Variants in FRYL observed in about 807,000 individuals in gnomAD.
FRYL encodes the protein protein furry homolog-like.
FRYL carries 150 observed loss-of-function variants against 351.2 expected under a neutral mutation model. That is an observed-to-expected ratio of 0.43 (90% confidence interval 0.37 to 0.49). FRYL has a LOEUF of 0.49. FRYL is among the 20% of genes least tolerant of loss of function. FRYL has a pLI of 0.00. For synonymous variants in FRYL, 1,153 were observed against 1,257.1 expected, an observed-to-expected ratio of 0.92 and a Z score of 1.75; for missense variants, 3,036 against 3,619.3, an observed-to-expected ratio of 0.84 and a Z score of 4.13.
chr4:48,634,591 C>T, intron 3 of FRYL, 101 bp from the exon 4 acceptor site: 1 of 740,894 alleles, frequency 1.3e-6, no homozygotes, highest in Non-Finnish European at 2.2e-6. Context: ...TAACCCTCAA[C>T]CAGTTCTCCC....
At chr4:48,694,997 G>A (rs767439537) in intron 2 of FRYL, among the ~76,000 whole-genome samples, 9 of 152,166 alleles carry the variant, frequency 5.9e-5, no homozygotes, top group Non-Finnish European at 1.2e-4. Flanking sequence ...GGTAGGTAGA[G>A]GCTGCAGTGA....
At chr4:48,578,004 A>G (rs1740008879) in intron 23 of FRYL, among the ~76,000 whole-genome samples, 2 of 151,770 alleles carry the variant, frequency 1.3e-5, no homozygotes, top group South Asian at 2.1e-4. Flanking sequence ...TTCAAATCCA[A>G]AAGTAAGAAG....
At chr4:48,690,530 GGAAGAT>G (rs1298443598) in intron 2 of FRYL, among the ~76,000 whole-genome samples, 1 of 151,970 alleles carries the variant, frequency 6.6e-6, no homozygotes, top group Non-Finnish European at 1.5e-5. Context: ...CAAAGTCTCT[GGAAGAT>G]GATACGCCCA....
At chr4:48,712,630 T>C (rs1356595916) in intron 1 of FRYL, among the ~76,000 whole-genome samples, 3 of 152,176 alleles carry the variant, frequency 2.0e-5, no homozygotes, top group African/African-American at 4.8e-5. Context: ...TGGAATCAAG[T>C]TGGAAAACAC....
At chr4:48,664,110 CACGGTTAAAG>C (rs1761317429) in intron 3 of FRYL, among the ~76,000 whole-genome samples, 38 of 152,156 alleles carry the variant, frequency 2.5e-4, no homozygotes, top group Admixed American at 2.5e-3. Context: ...TCTGGCTGAC[CACGGTTAAAG>C]TGCCAGAGTC....
chr4:48,771,387 T>C (rs1046053368), intron 1 of FRYL, among the ~76,000 whole-genome samples: 2 of 152,224 alleles, frequency 1.3e-5, no homozygotes, highest in African/African-American at 4.8e-5. Flanking sequence ...CATAGTGCTT[T>C]AAGACTTTTA....
At chr4:48,745,607 G>GC in intron 1 of FRYL, among the ~76,000 whole-genome samples, 1 of 152,130 alleles carries the variant, frequency 6.6e-6, no homozygotes. Flanking sequence ...CTGTTGTGGG[G>GC]TGGGGGGAGT....
intron 2 of FRYL, among the ~76,000 whole-genome samples, chr4:48,694,274 A>G (rs1251188419): frequency 1.3e-5 from 2 of 152,026 alleles, no homozygotes. Flanking sequence ...AAAAAAATAC[A>G]TTTAAAAAAG....
chr4:48,742,609 CTTAGTA>C (rs1326037132), intron 1 of FRYL, among the ~76,000 whole-genome samples: 1 of 152,094 alleles, frequency 6.6e-6, no homozygotes, highest in Non-Finnish European at 1.5e-5. Context: ...GCTATTCATT[CTTAGTA>C]TTAGTCATGC....
At chr4:48,765,256 T>A (rs1774830420) in intron 1 of FRYL, among the ~76,000 whole-genome samples, 1 of 152,084 alleles carries the variant, frequency 6.6e-6, no homozygotes, top group South Asian at 2.1e-4. Context: ...TTGAACCACA[T>A]TACAAAGCTA....
chr4:48,656,937 A>G (rs1188313543), intron 3 of FRYL, among the ~76,000 whole-genome samples: 1 of 152,118 alleles, frequency 6.6e-6, no homozygotes, highest in African/African-American at 2.4e-5. Context: ...TCTCAACTCA[A>G]TTCTAAAATG....
chr4:48,557,668 C>A lies in FRYL; in HGVS notation c.3910G>T (p.Val1304Leu), dbSNP rs770362546. The change falls in exon 34 of 64, where the codon GTG becomes TTG. Residue 1304 changes from valine to leucine, a missense_variant. Physicochemically the swap from Val to Leu is conservative, Grantham distance 32 (BLOSUM62 1). Coordinates refer to ENST00000358350, the MANE Select transcript of FRYL (RefSeq NM_015030.2). ...IQTAHPAGRQVMLHYLLPWMN... is the reference protein window; with the variant it reads ...IQTAHPAGRQLMLHYLLPWMN... ...CATGGTAGCAGGTAGTGCAGCATCA[C>A]CTGCCGCCCAGCAGGGTGAGCTGTC... The A allele has an allele frequency of 2.5e-5, 41 of 1,614,046 alleles. No individual in the cohort carries two copies. In the East Asian group the frequency reaches 9.1e-4, roughly 36 times the overall value.
chr4:48,559,296 G>T (rs1237164544), intron 33 of FRYL, among the ~76,000 whole-genome samples: 1 of 151,820 alleles, frequency 6.6e-6, no homozygotes, highest in Non-Finnish European at 1.5e-5. Context: ...ATGGAAGGAA[G>T]AGTCTGTCTG....
chr4:48,578,998 A>G lies in FRYL; in HGVS notation c.2503T>C (p.Leu835=). The G allele has an allele frequency of 6.2e-7, 1 of 1,611,906 alleles. No individual in the cohort carries two copies. The highest frequency in any genetic ancestry group is 1.1e-5 in the South Asian group (1 of 90,528). ...TTTATATCGACCTGAGGGGACAACA[A>G]CTGAAGTCTTGTGTATGCAAACATC... is the stretch of plus-strand genomic sequence containing the variant. ...AWMFAYTRLQ[L]LSPQVDINSP... The change falls in exon 23 of 64, where the codon TTG becomes CTG. Residue 835 remains leucine (L), a synonymous_variant. Transcript: ENST00000358350.
chr4:48,756,308 G>A (rs1773771798), intron 1 of FRYL, among the ~76,000 whole-genome samples: 1 of 151,122 alleles, frequency 6.6e-6, no homozygotes, highest in African/African-American at 2.4e-5. Flanking sequence ...TTCCAATAAT[G>A]TAGATTTTAT....
intron 49 of FRYL, 89 bp downstream of exon 49, chr4:48,534,456 T>A: frequency 1.0e-6 from 1 of 996,190 alleles, no homozygotes; most frequent in Non-Finnish European, 1.5e-6. Flanking sequence ...ACTTCCCCAT[T>A]CTTCGACATT....
rs1226492542 is a variant in FRYL, at chr4:48,671,858, CAAAAA to C, written c.-81+12810_-81+12814del. ...AGAGAGAGAGACTCCGTCTCAAAAA[CAAAAA>C]AAAAAAAAACAAAAAAAAAAAAAAA... On this transcript the variant is annotated intron_variant, in intron 3 of 63. Coordinates refer to ENST00000358350, the MANE Select transcript of FRYL (RefSeq NM_015030.2). Among the ~76,000 whole-genome samples, 97 of 22,392 alleles carry C rather than the reference CAAAAA, an allele frequency of 4.3e-3. 1 individual carries two copies. The highest frequency in any genetic ancestry group is 0.011 in the African/African-American group (83 of 7,588). The allele number at this position is 22,392 out of a possible 152,430, so 14.7% of individuals were successfully genotyped here. A position where few individuals can be genotyped will look rare whatever the true frequency, so the allele number is the denominator to read the frequency against.
At position 48,774,546 on chromosome 4, in the gene FRYL, A is replaced by AT. The variant is rs1440410385; in HGVS notation, c.-384+5531dup. Among the ~76,000 whole-genome samples the AT allele has an allele frequency of 3.1e-3, 444 of 143,166 alleles. 3 individuals are homozygous for AT. The highest frequency in any genetic ancestry group is 7.4e-3 in the South Asian group (33 of 4,470). The allele number at this position is 143,166 out of a possible 152,430, so 93.9% of individuals were successfully genotyped here. On this transcript the variant is annotated intron_variant, in intron 1 of 63. Transcript: ENST00000358350. ...TTCACACTGAATTTTAATACAAATAATTTTTTTTTTTTTTTTGGAGAAGGA... is the reference window on the plus strand; with the variant it reads ...TTCACACTGAATTTTAATACAAATAATTTTTTTTTTTTTTTTTGGAGAAGGA...
intron 3 of FRYL, among the ~76,000 whole-genome samples, chr4:48,659,918 G>GAGAAGAAGAAGA (rs1249228163): frequency 0.16 from 131 of 794 alleles, 61 homozygotes; most frequent in Non-Finnish European, 0.36. Flanking sequence ...GAAGGAGAAG[G>GAGAAGAAGAAGA]AGAAGAAGAA....
Sources: gnomAD v4.1 joint callset for allele counts (sites outside exome capture counted in the v4.1 genomes callset) on GRCh38, gnomAD v4.1.1 for gene constraint, MANE v1.5 for transcripts, NCBI Gene and HGNC (gene_info 2026-07-23, HGNC 2026-07-21) for gene names.